The following SPIN1 variants were observed in gnomAD, a reference collection of about 807,000 sequenced individuals.
SPIN1 encodes spindlin-1.
Under a neutral mutation model 26.0 loss-of-function variants are expected in SPIN1, and 3 were observed. The observed-to-expected ratio is 0.12, with a 90% CI of 0.05 to 0.30. SPIN1 has a LOEUF of 0.30. Ranked by LOEUF, SPIN1 falls within the 10% of genes least tolerant of loss-of-function variation. The pLI is 1.00. For missense variants in SPIN1, 126 were observed against 333.4 expected, an observed-to-expected ratio of 0.38 and a Z score of 4.84; for synonymous variants, 101 against 116.5, an observed-to-expected ratio of 0.87 and a Z score of 0.86.
chr9:88,401,301 A>G (rs1029942914), intron 1 of SPIN1, among the ~76,000 whole-genome samples: 6 of 152,208 alleles, frequency 3.9e-5, no homozygotes, highest in Non-Finnish European at 8.8e-5. Flanking sequence ...GGTAGAGTAA[A>G]TGACCATTAT....
Position 88,457,248 on chromosome 9 carries a change from CAAAGAAAATTCT to C in SPIN1, c.102-5244_102-5233del, listed in dbSNP as rs575362265. On this transcript the variant is annotated intron_variant, in intron 3 of 5. Transcript: ENST00000375859. The stretch of plus-strand genomic sequence containing the variant: ...TTTGTGACATTTTAGAGTCTAGGAA[CAAAGAAAATTCT>C]AAAACACCTTGAAGACCCAGCACTT... Among the ~76,000 whole-genome samples, 411 of 152,148 alleles carry C rather than the reference CAAAGAAAATTCT, an allele frequency of 2.7e-3. 3 individuals are homozygous for C. The highest frequency in any genetic ancestry group is 9.2e-3 in the African/African-American group (382 of 41,520).
intron 3 of SPIN1, among the ~76,000 whole-genome samples, chr9:88,456,489 A>G (rs144051638): frequency 6.6e-6 from 1 of 152,214 alleles, no homozygotes; most frequent in Non-Finnish European, 1.5e-5. Flanking sequence ...GTTACCAAAT[A>G]TTAAAAGGGT....
chr9:88,463,598 T>G (rs140589479), intron 4 of SPIN1, among the ~76,000 whole-genome samples: 5 of 152,298 alleles, frequency 3.3e-5, no homozygotes, highest in Admixed American at 6.5e-5. Flanking sequence ...GACTGTGCCA[T>G]TGTGTCCCTG....
rs1253275361 is a variant in SPIN1, at chr9:88,441,874, ATGT to A, written c.53-7062_53-7060del. 2.9e-4 allele frequency among the ~76,000 whole-genome samples: 43 copies of A among 148,974 alleles called. 1 individual carries two copies. The highest frequency in any genetic ancestry group is 1.0e-3 in the African/African-American group (42 of 40,748). Reference sequence around the variant, plus strand: ...CATATTTATTATAATTGTATATTATATGTTGTTATATTATTTTCACTTATTTCT... The same window carrying A: ...CATATTTATTATAATTGTATATTATATGTTATATTATTTTCACTTATTTCT... On this transcript the variant is annotated intron_variant, in intron 2 of 5. Coordinates refer to ENST00000375859, the MANE Select transcript of SPIN1 (RefSeq NM_006717.3).
chr9:88,466,098 A>G lies in SPIN1; in HGVS notation c.356-2274A>G, dbSNP rs188471219. Among the ~76,000 whole-genome samples, 200 of 152,300 alleles carry G rather than the reference A, an allele frequency of 1.3e-3. 1 individual carries two copies. The highest frequency in any genetic ancestry group is 3.4e-3 in the Admixed American group (52 of 15,300). The stretch of plus-strand genomic sequence containing the variant: ...TTTTTCATTTTCTGAAGTAGTAAAT[A>G]TTGGTAGGCATTATCTATGTAAACA... On this transcript the variant is annotated intron_variant, in intron 4 of 5. Transcript: ENST00000375859.
intron 2 of SPIN1, among the ~76,000 whole-genome samples, chr9:88,434,422 GTTTAT>G (rs1415474401): frequency 7.8e-6 from 1 of 128,400 alleles, no homozygotes; most frequent in African/African-American, 4.4e-5. Flanking sequence ...TTATAAATTA[GTTTAT>G]TTTATAAATT....
intron 3 of SPIN1, among the ~76,000 whole-genome samples, chr9:88,453,629 C>T (rs1234383210): frequency 3.3e-5 from 5 of 151,962 alleles, no homozygotes; most frequent in Admixed American, 2.6e-4. Context: ...TGGGTTCAAG[C>T]GATTCTTCCG....
intron 2 of SPIN1, among the ~76,000 whole-genome samples, chr9:88,428,697 C>A (rs188698041): frequency 6.6e-6 from 1 of 152,106 alleles, no homozygotes; most frequent in Non-Finnish European, 1.5e-5. Context: ...TTTGATCTTA[C>A]ATTTTCTTAT....
intron 1 of SPIN1, among the ~76,000 whole-genome samples, chr9:88,394,825 T>G (rs1827017451): frequency 6.7e-6 from 1 of 150,368 alleles, no homozygotes; most frequent in African/African-American, 2.4e-5. Flanking sequence ...TTTTTTTTTT[T>G]TTGAGACAGA....
chr9:88,450,034 T>G (rs1445930770), intron 3 of SPIN1, among the ~76,000 whole-genome samples: 3 of 152,220 alleles, frequency 2.0e-5, no homozygotes, highest in Non-Finnish European at 4.4e-5. Flanking sequence ...AATATTTAGC[T>G]TAAGAAACTA....
chr9:88,402,263 G>T (rs1455028681), intron 1 of SPIN1, among the ~76,000 whole-genome samples: 1 of 152,166 alleles, frequency 6.6e-6, no homozygotes, highest in Non-Finnish European at 1.5e-5. Context: ...AAAGTGCTGG[G>T]ATTGCAGGTG....
chr9:88,440,036 G>C (rs1251121067), intron 2 of SPIN1, among the ~76,000 whole-genome samples: 2 of 151,400 alleles, frequency 1.3e-5, no homozygotes, highest in African/African-American at 4.9e-5. Context: ...CTTTGCCCTT[G>C]TTCTTTTTTC....
At chr9:88,470,634 G>A (rs186810321) in intron 5 of SPIN1, among the ~76,000 whole-genome samples, 4 of 148,200 alleles carry the variant, frequency 2.7e-5, no homozygotes, top group Admixed American at 6.8e-5. Context: ...TTGCTCTGTC[G>A]CCCAGGCTGG....
intron 2 of SPIN1, among the ~76,000 whole-genome samples, chr9:88,430,053 G>T (rs1827836999): frequency 6.6e-6 from 1 of 152,320 alleles, no homozygotes; most frequent in African/African-American, 2.4e-5. Context: ...CTTCCTGTTA[G>T]CATAGACAAA....
intron 1 of SPIN1, chr9:88,411,287 A>G: frequency 7.8e-7 from 1 of 1,280,308 alleles, no homozygotes; most frequent in African/African-American, 1.5e-5. Flanking sequence ...ATATGTGACA[A>G]ACTCAAAGCC....
chr9:88,391,479 C>A (rs1826918391), intron 1 of SPIN1: 1 of 154,174 alleles, frequency 6.5e-6, no homozygotes, highest in African/African-American at 2.4e-5. Flanking sequence ...TCTGAACTCT[C>A]CCTTTGGCCC....
intron 2 of SPIN1, among the ~76,000 whole-genome samples, chr9:88,434,096 T>C (rs1827944792): frequency 6.6e-6 from 1 of 152,092 alleles, no homozygotes; most frequent in Non-Finnish European, 1.5e-5. Context: ...TGGTTTAGAA[T>C]TTCTAATCCA....
chr9:88,442,745 A>C (rs939933250), intron 2 of SPIN1, among the ~76,000 whole-genome samples: 1 of 151,566 alleles, frequency 6.6e-6, no homozygotes, highest in Non-Finnish European at 1.5e-5. Context: ...TCTTTGGTGT[A>C]GTTTTTTTCT....
At chr9:88,466,421 G>A (rs1230227992) in intron 4 of SPIN1, among the ~76,000 whole-genome samples, 1 of 152,116 alleles carries the variant, frequency 6.6e-6, no homozygotes, top group Non-Finnish European at 1.5e-5. Flanking sequence ...GGCTCAAAGT[G>A]CTAGGATTAT....
Sources: gnomAD v4.1 joint callset for allele counts (sites outside exome capture counted in the v4.1 genomes callset) on GRCh38, gnomAD v4.1.1 for gene constraint, MANE v1.5 for transcripts, NCBI Gene and HGNC (gene_info 2026-07-23, HGNC 2026-07-21) for gene names.